Variants in NELL1 observed in about 807,000 individuals in gnomAD.
NELL1 encodes neural EGFL like 1, also known as protein kinase C-binding protein NELL1.
Under a neutral mutation model 107.4 loss-of-function variants are expected in NELL1, and 76 were observed. The observed-to-expected ratio is 0.71, with a 90% CI of 0.59 to 0.86. The LOEUF (loss-of-function observed/expected upper bound fraction) is 0.86, where lower values mean the gene tolerates loss of function less well. NELL1 is among the 40% of genes least tolerant of loss of function. NELL1 has a pLI of 0.00. For missense variants in NELL1, 1,024 were observed against 1,005.5 expected (o/e 1.02, Z -0.25); for synonymous variants, 353 against 341.2 (o/e 1.03, Z -0.38).
chr11:21,043,602 A>G (rs1853290004), intron 12 of NELL1, among the ~76,000 whole-genome samples: 1 of 152,098 alleles, frequency 6.6e-6, no homozygotes, highest in African/African-American at 2.4e-5. Context: ...TGTGATTTAG[A>G]TTTTTATGTG....
In NELL1 at chr11:21,187,326, T is replaced by A. The variant is rs992645126; in HGVS notation, c.1427-42006T>A. Among the ~76,000 whole-genome samples, 4 of 151,730 alleles carry A rather than the reference T, an allele frequency of 2.6e-5. No homozygotes were observed. The East Asian group carries it at 7.7e-4, about 29-fold the overall frequency. On this transcript the variant is annotated intron_variant, in intron 13 of 19. Transcript: ENST00000357134. ...TCTGAAAGTTTGAAGTTAGATAGAT[T>A]AACTAGTTTTCCTTTTGGTAATTAG...
At chr11:20,726,657 T>C (rs1461784535) in intron 2 of NELL1, among the ~76,000 whole-genome samples, 1 of 152,200 alleles carries the variant, frequency 6.6e-6, no homozygotes, top group Non-Finnish European at 1.5e-5. Flanking sequence ...GCAGGTTTGT[T>C]ACATAGGTAT....
intron 12 of NELL1, among the ~76,000 whole-genome samples, chr11:21,091,246 A>G (rs899256967): frequency 3.9e-5 from 6 of 152,316 alleles, no homozygotes; most frequent in Non-Finnish European, 7.4e-5. Flanking sequence ...TAAACAGCCT[A>G]GATAAAGACC....
chr11:21,034,465 GCACATACTCTAAAATTGAT>G (rs1853039114), intron 12 of NELL1, among the ~76,000 whole-genome samples: 1 of 152,072 alleles, frequency 6.6e-6, no homozygotes, highest in Non-Finnish European at 1.5e-5. Flanking sequence ...TTGCCACATG[GCACATACTCTAAAATTGAT>G]CACATCATTG....
At chr11:20,861,094 G>A (rs980472245) in intron 4 of NELL1, among the ~76,000 whole-genome samples, 6 of 152,128 alleles carry the variant, frequency 3.9e-5, no homozygotes, top group African/African-American at 1.4e-4. Context: ...GAAGATCAAT[G>A]GATGTGTTTT....
intron 14 of NELL1, among the ~76,000 whole-genome samples, chr11:21,303,863 T>C (rs1308864545): frequency 1.3e-5 from 2 of 152,018 alleles, no homozygotes; most frequent in African/African-American, 4.8e-5. Context: ...AAGCTTGATC[T>C]CTGCCTCCAA....
chr11:21,043,826 G>T (rs1209323136), intron 12 of NELL1, among the ~76,000 whole-genome samples: 1 of 152,102 alleles, frequency 6.6e-6, no homozygotes, highest in Non-Finnish European at 1.5e-5. Flanking sequence ...GAGGAGTCAG[G>T]GATCACTCCA....
At chr11:21,156,959 A>G (rs907224521) in intron 13 of NELL1, among the ~76,000 whole-genome samples, 2 of 150,056 alleles carry the variant, frequency 1.3e-5, no homozygotes, top group Non-Finnish European at 3.0e-5. Context: ...AAAATTAGCC[A>G]GATGTGGTGG....
chr11:21,459,958 C>T (rs945798044), intron 15 of NELL1, among the ~76,000 whole-genome samples: 6 of 152,036 alleles, frequency 3.9e-5, no homozygotes, highest in Non-Finnish European at 8.8e-5. Context: ...AGGTTATATT[C>T]TTATGTTCAG....
intron 2 of NELL1, among the ~76,000 whole-genome samples, chr11:20,734,741 G>T (rs187094156): frequency 3.3e-5 from 5 of 152,290 alleles, no homozygotes; most frequent in Admixed American, 3.3e-4. Context: ...TCAGAGGAGA[G>T]ATTGGGCTGG....
intron 2 of NELL1, among the ~76,000 whole-genome samples, chr11:20,731,876 A>T (rs955686465): frequency 2.0e-5 from 3 of 152,128 alleles, no homozygotes; most frequent in Non-Finnish European, 4.4e-5. Context: ...TGTGGTAAGG[A>T]TGTGCATATG....
At position 20,813,095 on chromosome 11, in the gene NELL1, C is replaced by T. The variant is rs1436993852; in HGVS notation, c.335+29265C>T. Among the ~76,000 whole-genome samples the T allele has an allele frequency of 2.7e-5, 4 of 148,218 alleles. No individual in the cohort carries two copies. The East Asian group carries it at 7.9e-4, about 29-fold the overall frequency. On this transcript the variant is annotated intron_variant, in intron 3 of 19. Coordinates refer to ENST00000357134, the MANE Select transcript of NELL1 (RefSeq NM_006157.5). ...GAACTAGCTGAAAGCTAAATTGATT[C>T]CATGTATCACACCTTCAAAACAGAG... is the stretch of plus-strand genomic sequence containing the variant.
intron 12 of NELL1, among the ~76,000 whole-genome samples, chr11:21,053,839 G>A (rs1229331881): frequency 6.6e-6 from 1 of 152,132 alleles, no homozygotes; most frequent in Non-Finnish European, 1.5e-5. Flanking sequence ...AGGCTGCAGG[G>A]TGCCTTTCTG....
At chr11:20,810,133 A>G (rs1268486205) in intron 3 of NELL1, among the ~76,000 whole-genome samples, 1 of 151,378 alleles carries the variant, frequency 6.6e-6, no homozygotes, top group Non-Finnish European at 1.5e-5. Context: ...TATATCTGTT[A>G]GCCATTTGTA....
intron 15 of NELL1, among the ~76,000 whole-genome samples, chr11:21,472,518 G>C (rs1441085830): frequency 6.6e-6 from 1 of 151,928 alleles, no homozygotes; most frequent in Non-Finnish European, 1.5e-5. Context: ...GTTCTAAGAT[G>C]CCTCTTGGAA....
In NELL1 at chr11:21,574,988, G is replaced by T. The variant is rs370198210; in HGVS notation, c.2399G>T (p.Cys800Phe). The change falls in exon 20 of 20, where the codon TGT (cysteine) becomes TTT (phenylalanine). Residue 800 changes from cysteine (C) to phenylalanine (F), a missense_variant. Cys to Phe is a radical substitution (Grantham distance 205). Transcript: ENST00000357134. The part of the protein sequence containing the change: ...TCKCKNGRVC[C>F]SVDFECLQNN ...GATGTACAGAATGGAAGAGTCTGTTGTTCTGTGGATTTTGAGTGTCTTCAA... is the reference window on the plus strand; with the variant it reads ...GATGTACAGAATGGAAGAGTCTGTTTTTCTGTGGATTTTGAGTGTCTTCAA... 10 of 1,610,964 alleles carry T rather than the reference G, an allele frequency of 6.2e-6. No homozygotes were observed. Among genetic ancestry groups the T allele is most frequent in the Non-Finnish European group, 8.5e-6 (10 of 1,178,086 alleles).
In NELL1 at chr11:20,736,219, G is replaced by C. The variant is rs186091692; in HGVS notation, c.185-47461G>C. Among the ~76,000 whole-genome samples the C allele has an allele frequency of 3.2e-3, 494 of 152,262 alleles. 2 individuals are homozygous for C. The highest frequency in any genetic ancestry group is 0.01 in the Middle Eastern group (3 of 294). On this transcript the variant is annotated intron_variant, in intron 2 of 19. Transcript: ENST00000357134. ...AAAAGAGGAAAATAAATGAGGCCAT[G>C]TGATTGGCTAGAGCATGCCTTCTCA...
intron 3 of NELL1, among the ~76,000 whole-genome samples, chr11:20,820,307 T>C (rs1031110697): frequency 3.3e-5 from 5 of 152,220 alleles, no homozygotes; most frequent in Non-Finnish European, 5.9e-5. Flanking sequence ...TGGAGGCCTG[T>C]GGCCGGTTTA....
intron 12 of NELL1, among the ~76,000 whole-genome samples, chr11:20,983,006 A>C (rs534536923): frequency 6.6e-6 from 1 of 152,182 alleles, no homozygotes; most frequent in East Asian, 1.9e-4. Flanking sequence ...TCTGATTTTC[A>C]TTGTTTTCAG....
Sources: allele counts gnomAD v4.1 joint callset (sites outside exome capture counted in the v4.1 genomes callset), GRCh38; gene constraint gnomAD v4.1.1; transcripts MANE v1.5; gene names NCBI Gene and HGNC (gene_info 2026-07-23, HGNC 2026-07-21).